Variants in RFX8 observed in about 807,000 individuals in gnomAD.
The protein encoded by RFX8 is DNA-binding protein RFX8.
RFX8 carries 46 observed loss-of-function variants against 54.6 expected under a neutral mutation model. The observed-to-expected ratio is 0.84, with a 90% CI of 0.67 to 1.08. The LOEUF (loss-of-function observed/expected upper bound fraction) is 1.08. RFX8 is among the 50% of genes least tolerant of loss of function. RFX8 has a pLI of 0.00. For synonymous variants in RFX8, 192 were observed against 209.5 expected, an observed-to-expected ratio of 0.92 and a Z score of 0.72; for missense variants, 536 against 562.3, an observed-to-expected ratio of 0.95 and a Z score of 0.47.
At chr2:101,437,982 C>A (rs1007248461) in intron 2 of RFX8, among the ~76,000 whole-genome samples, 2 of 151,976 alleles carry the variant, frequency 1.3e-5, no homozygotes, top group Non-Finnish European at 2.9e-5. Context: ...GGAGTTTTTT[C>A]CACTCAGCAA....
Position 101,417,680 on chromosome 2 carries a change from AT to A in RFX8, c.355del (p.Ile119LeufsTer18), listed in dbSNP as rs1206085916. 31 of 1,546,812 alleles carry A rather than the reference AT, an allele frequency of 2.0e-5. No individual in the cohort carries two copies. Among genetic ancestry groups the A allele is most frequent in the Non-Finnish European group, 2.7e-5 (31 of 1,144,960 alleles). On this transcript the variant is annotated frameshift_variant, in exon 6 of 12. Transcript: ENST00000428343. LOFTEE classifies it high-confidence loss of function. ...GAAGTCATGAAGGAGAACATCCTCA[AT>A]TCCCTACAACAAAAGTAACAAGACA... Reference protein sequence around the residue: ...KCYDVQLYKGIEDVLLHDFLE... With the variant: ...KCYDVQLYKGXEDVLLHDFLE...
intron 2 of RFX8, among the ~76,000 whole-genome samples, chr2:101,426,727 AG>A (rs1687191958): frequency 6.6e-6 from 1 of 152,144 alleles, no homozygotes; most frequent in Admixed American, 6.6e-5. Context: ...ACTAGGTGTC[AG>A]CCCCTGGGAG....
chr2:101,413,763 C>A (rs554952868), intron 7 of RFX8, among the ~76,000 whole-genome samples: 1 of 152,208 alleles, frequency 6.6e-6, no homozygotes, highest in Non-Finnish European at 1.5e-5. Flanking sequence ...GAAGAGCACA[C>A]TGCCAGGTCA....
At chr2:101,433,335 A>G (rs556096698) in intron 2 of RFX8, among the ~76,000 whole-genome samples, 2 of 152,214 alleles carry the variant, frequency 1.3e-5, no homozygotes, top group East Asian at 1.9e-4. Flanking sequence ...TGCAGGGACA[A>G]TGGAGGAGGG....
chr2:101,474,496 C>T (rs968834575), intron 1 of RFX8, 140 bp downstream of exon 1: 5 of 340,346 alleles, frequency 1.5e-5, no homozygotes, highest in African/African-American at 2.1e-5. Flanking sequence ...TCCCCAACCC[C>T]CGCGCCCCGC....
chr2:101,468,611 A>G (rs1312538978), intron 1 of RFX8, among the ~76,000 whole-genome samples: 1 of 151,868 alleles, frequency 6.6e-6, no homozygotes, highest in African/African-American at 2.4e-5. Flanking sequence ...GAATTTTCTT[A>G]TCAACATACC....
chr2:101,472,873 C>T (rs1404415268), intron 1 of RFX8, among the ~76,000 whole-genome samples: 1 of 152,010 alleles, frequency 6.6e-6, no homozygotes, highest in African/African-American at 2.4e-5. Context: ...CAAAAATTAG[C>T]AAGGCATGGT....
intron 8 of RFX8, among the ~76,000 whole-genome samples, 155 bp from the exon 9 acceptor site, chr2:101,410,868 C>T (rs982016227): frequency 6.6e-6 from 1 of 152,206 alleles, no homozygotes; most frequent in African/African-American, 2.4e-5. Flanking sequence ...CAGAGGATGT[C>T]CTGAGGCTGG....
At chr2:101,437,606 A>G (rs1424248354) in intron 2 of RFX8, among the ~76,000 whole-genome samples, 1 of 152,052 alleles carries the variant, frequency 6.6e-6, no homozygotes, top group Non-Finnish European at 1.5e-5. Flanking sequence ...GAAAAAAAAG[A>G]GAAAGGAAGA....
At chr2:101,402,172 C>A (rs1486206536) in intron 11 of RFX8, among the ~76,000 whole-genome samples, 2 of 152,208 alleles carry the variant, frequency 1.3e-5, no homozygotes, top group Non-Finnish European at 2.9e-5. Context: ...CAGGCACACT[C>A]TGGGAAGGCA....
chr2:101,436,401 T>G (rs541594846), intron 2 of RFX8, among the ~76,000 whole-genome samples: 1 of 152,274 alleles, frequency 6.6e-6, no homozygotes, highest in East Asian at 1.9e-4. Flanking sequence ...GAGATGCCCT[T>G]GAACAGCCTG....
At chr2:101,431,337 A>G (rs2104612890) in intron 2 of RFX8, among the ~76,000 whole-genome samples, 1 of 152,346 alleles carries the variant, frequency 6.6e-6, no homozygotes, top group Non-Finnish European at 1.5e-5. Flanking sequence ...GAGGGTTATG[A>G]CAGCTGAAGT....
At chr2:101,430,723 G>T (rs1406378100) in intron 2 of RFX8, among the ~76,000 whole-genome samples, 1 of 152,176 alleles carries the variant, frequency 6.6e-6, no homozygotes, top group African/African-American at 2.4e-5. Flanking sequence ...GATATCTTGG[G>T]TAGGTGTGAC....
intron 6 of RFX8, among the ~76,000 whole-genome samples, chr2:101,415,375 C>T (rs990916582): frequency 7.2e-5 from 11 of 152,340 alleles, no homozygotes; most frequent in African/African-American, 2.4e-4. Context: ...CTTCCCCAGA[C>T]ACCCATCTGC....
intron 1 of RFX8, among the ~76,000 whole-genome samples, chr2:101,469,128 A>ACG (rs1238617116): frequency 2.5e-4 from 34 of 133,744 alleles, no homozygotes; most frequent in African/African-American, 8.6e-4. Flanking sequence ...ATATAAGTAT[A>ACG]TATATATAAG....
At chr2:101,416,633 C>T (rs541523712) in intron 6 of RFX8, among the ~76,000 whole-genome samples, 4 of 152,074 alleles carry the variant, frequency 2.6e-5, no homozygotes, top group Admixed American at 6.6e-5. Flanking sequence ...GTAGGGAGTT[C>T]GAGAGCTGCA....
chr2:101,468,378 T>G (rs1157166156), intron 1 of RFX8, among the ~76,000 whole-genome samples: 2 of 152,230 alleles, frequency 1.3e-5, no homozygotes, highest in Non-Finnish European at 2.9e-5. Context: ...TTCCTCGGCT[T>G]CACTCCAGTC....
intron 1 of RFX8, among the ~76,000 whole-genome samples, chr2:101,472,687 G>A (rs1690076140): frequency 6.6e-6 from 1 of 152,070 alleles, no homozygotes; most frequent in Non-Finnish European, 1.5e-5. Flanking sequence ...TAGCTGATGA[G>A]CCAAAACAAA....
At chr2:101,421,557 C>T (rs1235821751) in intron 4 of RFX8, 167 bp downstream of exon 4, 4 of 1,339,008 alleles carry the variant, frequency 3.0e-6, no homozygotes, top group Admixed American at 7.5e-5. Context: ...CCTTCCAGAA[C>T]TCAATGACTA....
Sources: allele counts gnomAD v4.1 joint callset (sites outside exome capture counted in the v4.1 genomes callset), GRCh38; gene constraint gnomAD v4.1.1; transcripts MANE v1.5; gene names NCBI Gene and HGNC (gene_info 2026-07-23, HGNC 2026-07-21).